Variants in FEM1A observed in about 807,000 individuals in gnomAD.
FEM1A encodes the protein fem-1 homolog A, also known as protein fem-1 homolog A.
FEM1A carries 1 observed loss-of-function variant against 0.7 expected under a neutral mutation model. That is an observed-to-expected ratio of 1.35 (90% CI 0.48 to 6.40). FEM1A has a LOEUF of 6.40. Ranked by LOEUF, FEM1A falls within the 30% of genes most tolerant of loss-of-function variation. The probability of loss-of-function intolerance (pLI) is 0.14; values close to 1 mark genes in which losing one functional copy is unlikely to be tolerated. For synonymous variants in FEM1A, 391 were observed against 420.6 expected (o/e 0.93, Z 0.86); for missense variants, 721 against 918.7 (o/e 0.78, Z 2.78).
In FEM1A at chr19:4,796,159, TG is replaced by T. The variant is rs1369794764; in HGVS notation, c.*2298del. 1.3e-5 allele frequency: 2 copies of T among 151,546 alleles called. No homozygotes were observed. Among genetic ancestry groups the T allele is most frequent in the East Asian group, 3.9e-4 (2 of 5,148 alleles). 9.4% of individuals were successfully genotyped at this position (151,546 alleles called of 1,614,324 possible). A position where few individuals can be genotyped will look rare whatever the true frequency, so the allele number is the denominator to read the frequency against. On this transcript the variant is annotated 3_prime_UTR_variant, in exon 1 of 1. Transcript: ENST00000269856. ...TGTAATCTCAGCACCTTGGGAAGCC[TG>T]GGCAACATAGTAAGACCTCTGTCTC...
rs773533387 is a variant in FEM1A, at chr19:4,792,870, C to G, written c.1016C>G (p.Pro339Arg). 2 of 1,612,264 alleles carry G rather than the reference C, an allele frequency of 1.2e-6. No homozygotes were observed. The highest frequency in any genetic ancestry group is 1.7e-6 in the Non-Finnish European group (2 of 1,180,010). ...CAGGGGGGCGAGTACCTGCCCAAAC[C>G]GGAGCCCCCACAGCTGGTCCTGGCC... Reference protein sequence around the residue: ...RHQGGEYLPKPEPPQLVLAYD... With the variant: ...RHQGGEYLPKREPPQLVLAYD... Residue 339 changes from proline (P) to arginine (R), a missense_variant, in exon 1 of 1, where the codon CCG (proline) becomes CGG (arginine). Pro to Arg is a moderately radical substitution (Grantham distance 103). Coordinates refer to ENST00000269856, the MANE Select transcript of FEM1A (RefSeq NM_018708.3). The surrounding 1 kb of genome is among the most constrained non-coding windows in gnomAD (Gnocchi z 6.7).
chr19:4,800,318 G>C lies in FEM1A; in HGVS notation c.*6454G>C, dbSNP rs1403698995. On this transcript the variant is annotated 3_prime_UTR_variant, in exon 1 of 1. Transcript: ENST00000269856. ...TAAGCTTACCCAGCCCGGAAGCATC[G>C]GGGTCAAAGCTTAACCCCCTGCTGG... 1 of 152,202 alleles carries C rather than the reference G, an allele frequency of 6.6e-6. No individual in the cohort carries two copies. The highest frequency in any genetic ancestry group is 1.5e-5 in the Non-Finnish European group (1 of 68,108). The allele number at this position is 152,202 out of a possible 1,614,324, so 9.4% of individuals were successfully genotyped here.
Position 4,792,678 on chromosome 19 carries a change from C to G in FEM1A, c.824C>G (p.Ser275Cys). 6.2e-7 allele frequency: 1 copy of G among 1,612,156 alleles called. No individual in the cohort carries two copies. The highest frequency in any genetic ancestry group is 1.7e-5 in the Admixed American group (1 of 60,020). Residue 275 changes from serine (S) to cysteine (C), a missense_variant, in exon 1 of 1, where the codon TCC becomes TGC. Ser to Cys is a moderately radical substitution (Grantham distance 112). Transcript: ENST00000269856. The surrounding 1 kb of genome is among the most constrained non-coding windows in gnomAD (Gnocchi z 6.7). ...AQPQGAPCCSSSPEEPLNGES... is the reference protein window; with the variant it reads ...AQPQGAPCCSCSPEEPLNGES... ...CCTCAGGGGGCTCCGTGCTGCAGCT[C>G]CTCCCCAGAGGAACCACTGAACGGG...
Position 4,793,923 on chromosome 19 carries a change from C to A in FEM1A, c.*59C>A. 2 of 1,511,530 alleles carry A rather than the reference C, an allele frequency of 1.3e-6. No homozygotes were observed. The highest frequency in any genetic ancestry group is 1.2e-5 in the South Asian group (1 of 80,854). The allele number at this position is 1,511,530 out of a possible 1,614,324, so 93.6% of individuals were successfully genotyped here. A position where few individuals can be genotyped will look rare whatever the true frequency, so the allele number is the denominator to read the frequency against. ...CTCTCCTGCTGAGATGGGGGAAATC[C>A]GGCTGCGGCATAGCAGATGCTCGTT... is the stretch of plus-strand genomic sequence containing the variant. On this transcript the variant is annotated 3_prime_UTR_variant, in exon 1 of 1. Coordinates refer to ENST00000269856, the MANE Select transcript of FEM1A (RefSeq NM_018708.3). This position sits in a 1 kb window ranked among gnomAD's most constrained non-coding sequence, Gnocchi z 5.1.
In FEM1A at chr19:4,793,816, C is replaced by A. The variant is rs766723218; in HGVS notation, c.1962C>A (p.Tyr654Ter). The change falls in exon 1 of 1, where the codon TAC becomes TAA. Residue 654 changes from tyrosine (Y) to a stop codon, truncating the protein, a stop_gained. Transcript: ENST00000269856. LOFTEE classifies it high-confidence loss of function. The surrounding 1 kb of genome is among the most constrained non-coding windows in gnomAD (Gnocchi z 5.1). Reference sequence around the variant, plus strand: ...CCCTGGATAAGAACAAGATCCCTTACAAGGGCTTCATCCCGGAAGATCTGG... The same window carrying A: ...CCCTGGATAAGAACAAGATCCCTTAAAAGGGCTTCATCCCGGAAGATCTGG... Reference protein sequence around the residue: ...ARALDKNKIPYKGFIPEDLEA... With the variant: ...ARALDKNKIP The A allele has an allele frequency of 6.2e-7, 1 of 1,609,884 alleles. No homozygotes were observed. Among genetic ancestry groups the A allele is most frequent in the Non-Finnish European group, 8.5e-7 (1 of 1,178,964 alleles).
chr19:4,800,826 G>C lies in FEM1A; in HGVS notation c.*6962G>C, dbSNP rs562570423. On this transcript the variant is annotated 3_prime_UTR_variant, in exon 1 of 1. Transcript: ENST00000269856. ...TCGAATCACATCACAGGCCGAAAAG[G>C]CCAGATGACCCACCAGGGACATTGA... is the stretch of plus-strand genomic sequence containing the variant. The C allele has an allele frequency of 6.6e-6, 1 of 152,236 alleles. No homozygotes were observed. The highest frequency in any genetic ancestry group is 1.9e-4 in the East Asian group (1 of 5,192). The allele number at this position is 152,236 out of a possible 1,614,324, so 9.4% of individuals were successfully genotyped here. A position where few individuals can be genotyped will look rare whatever the true frequency, so the allele number is the denominator to read the frequency against.
rs2093561793 is a variant in FEM1A at position 4,796,988 on chromosome 19, CTAGTGAGCATT to C, written c.*3127_*3137del. On this transcript the variant is annotated 3_prime_UTR_variant, in exon 1 of 1. Coordinates refer to ENST00000269856, the MANE Select transcript of FEM1A (RefSeq NM_018708.3). ...AAGCTGTCTCCTGGGAGACACAGTACTAGTGAGCATTTATTGAGCACCTACTGTATGCCAGG... is the reference window on the plus strand; with the variant it reads ...AAGCTGTCTCCTGGGAGACACAGTACTATTGAGCACCTACTGTATGCCAGG... The C allele has an allele frequency of 6.6e-6, 1 of 152,068 alleles. No homozygotes were observed. The highest frequency in any genetic ancestry group is 1.5e-5 in the Non-Finnish European group (1 of 68,052). 9.4% of individuals were successfully genotyped at this position (152,068 alleles called of 1,614,324 possible). A position where few individuals can be genotyped will look rare whatever the true frequency, so the allele number is the denominator to read the frequency against.
chr19:4,791,880 A>G lies in FEM1A; in HGVS notation c.26A>G (p.Asn9Ser), dbSNP rs2093554723. MDLRTAVY[N>S]AARDGKLQLL... ...ATGGACCTCCGCACCGCCGTGTACA[A>G]CGCCGCCCGTGATGGCAAGCTGCAG... Residue 9 changes from asparagine (N) to serine (S), a missense_variant, in exon 1 of 1, where the codon AAC becomes AGC. By Grantham distance (46) the Asn-to-Ser change is conservative. Coordinates refer to ENST00000269856, the MANE Select transcript of FEM1A (RefSeq NM_018708.3). 3 of 1,520,254 alleles carry G rather than the reference A, an allele frequency of 2.0e-6. No homozygotes were observed. The highest frequency in any genetic ancestry group is 2.6e-6 in the Non-Finnish European group (3 of 1,140,570). The allele number at this position is 1,520,254 out of a possible 1,614,324, so 94.2% of individuals were successfully genotyped here.
chr19:4,791,754 G>C lies in FEM1A; in HGVS notation c.-101G>C. On this transcript the variant is annotated 5_prime_UTR_variant, in exon 1 of 1. Transcript: ENST00000269856. Reference sequence around the variant, plus strand: ...CGCCCGAGGAGACCCTAAGATGGCGGCGAGGGGGACGGTGAAGGTTGCCTC... The same window carrying C: ...CGCCCGAGGAGACCCTAAGATGGCGCCGAGGGGGACGGTGAAGGTTGCCTC... 1 of 1,229,324 alleles carries C rather than the reference G, an allele frequency of 8.1e-7. No individual in the cohort carries two copies. Among genetic ancestry groups the C allele is most frequent in the Non-Finnish European group, 1.1e-6 (1 of 929,924 alleles). 76.2% of individuals were successfully genotyped at this position (1,229,324 alleles called of 1,614,324 possible). A position where few individuals can be genotyped will look rare whatever the true frequency, so the allele number is the denominator to read the frequency against.
chr19:4,792,424 C>T lies in FEM1A; in HGVS notation c.570C>T (p.Cys190=). ...AGGGCAACACGGCCCTGCATGACTG[C>T]GCCGAGTCCGGCAGCCTGGAGATCC... ...SAKGNTALHD[C]AESGSLEILQ... The change falls in exon 1 of 1, where the codon TGC becomes TGT. Residue 190 remains cysteine, a synonymous_variant. Transcript: ENST00000269856. The surrounding 1 kb of genome is among the most constrained non-coding windows in gnomAD (Gnocchi z 6.7). 1 of 1,595,954 alleles carries T rather than the reference C, an allele frequency of 6.3e-7. No homozygotes were observed. The highest frequency in any genetic ancestry group is 8.5e-7 in the Non-Finnish European group (1 of 1,179,446).
In FEM1A at chr19:4,793,114, A is replaced by G. The variant is rs2093556644; in HGVS notation, c.1260A>G (p.Gln420=). 2 of 1,613,566 alleles carry G rather than the reference A, an allele frequency of 1.2e-6. No individual in the cohort carries two copies. Among genetic ancestry groups the G allele is most frequent in the East Asian group, 2.2e-5 (1 of 44,878 alleles). ...TGTGGAAGTACGCCCTGGACATGCAACAGAGCAACCTGGAGCCTCTGAGCC... is the reference window on the plus strand; with the variant it reads ...TGTGGAAGTACGCCCTGGACATGCAGCAGAGCAACCTGGAGCCTCTGAGCC... ...IRLWKYALDM[Q]QSNLEPLSPM... Residue 420 remains glutamine (Q), a synonymous_variant, in exon 1 of 1, where the codon CAA becomes CAG. Coordinates refer to ENST00000269856, the MANE Select transcript of FEM1A (RefSeq NM_018708.3). The surrounding 1 kb of genome is among the most constrained non-coding windows in gnomAD (Gnocchi z 5.1).
In FEM1A at chr19:4,795,569, T is replaced by A. The variant is rs2093560238; in HGVS notation, c.*1705T>A. The stretch of plus-strand genomic sequence containing the variant: ...AGATACTCAAAGAGAATGGCCTGCC[T>A]GATGCGTCCTTGGCGTGGGTTAACT... On this transcript the variant is annotated 3_prime_UTR_variant, in exon 1 of 1. Coordinates refer to ENST00000269856, the MANE Select transcript of FEM1A (RefSeq NM_018708.3). 1 of 166,972 alleles carries A rather than the reference T, an allele frequency of 6.0e-6. No homozygotes were observed. The allele number at this position is 166,972 out of a possible 1,614,324, so 10.3% of individuals were successfully genotyped here. A position where few individuals can be genotyped will look rare whatever the true frequency, so the allele number is the denominator to read the frequency against.
In FEM1A at chr19:4,792,508, G is replaced by A. The variant is rs1249458049; in HGVS notation, c.654G>A (p.Pro218=). ...AACGTGACGGCTACGGCATGACCCC[G>A]CTGCTCGCGGCCAGCGTGACGGGCC... ...RMERDGYGMT[P]LLAASVTGHT... Residue 218 remains proline (P), a synonymous_variant, in exon 1 of 1, where the codon CCG becomes CCA. Transcript: ENST00000269856. This position sits in a 1 kb window ranked among gnomAD's most constrained non-coding sequence, Gnocchi z 6.7. The A allele has an allele frequency of 6.3e-7, 1 of 1,598,542 alleles. No individual in the cohort carries two copies. Among genetic ancestry groups the A allele is most frequent in the Non-Finnish European group, 8.5e-7 (1 of 1,179,678 alleles).
rs1203630832 is a variant in FEM1A, at chr19:4,795,051, C to T, written c.*1187C>T. ...AAAAGGCCCAAGTACAGTCTTAATG[C>T]GATAAATCCACTAGCTAAGACGTCG... On this transcript the variant is annotated 3_prime_UTR_variant, in exon 1 of 1. Transcript: ENST00000269856. 8.4e-5 allele frequency: 14 copies of T among 167,164 alleles called. No individual in the cohort carries two copies. The South Asian group carries it at 2.3e-3, about 27-fold the overall frequency. The allele number at this position is 167,164 out of a possible 1,614,324, so 10.4% of individuals were successfully genotyped here.
chr19:4,792,031 C>T lies in FEM1A; in HGVS notation c.177C>T (p.Tyr59=), dbSNP rs1329411951. The change falls in exon 1 of 1, where the codon TAC becomes TAT. Residue 59 remains tyrosine (Y), a synonymous_variant. Transcript: ENST00000269856. The surrounding 1 kb of genome is among the most constrained non-coding windows in gnomAD (Gnocchi z 6.7). The part of the protein sequence containing the change: ...ARYGHLDVVE[Y]LVDRCGASVE... ...ACGGCCACCTGGACGTGGTGGAGTA[C>T]CTGGTGGACCGGTGCGGCGCGAGCG... is the stretch of plus-strand genomic sequence containing the variant. The T allele has an allele frequency of 5.2e-6, 8 of 1,539,450 alleles. No homozygotes were observed. The highest frequency in any genetic ancestry group is 2.3e-4 in the Middle Eastern group (1 of 4,364).
rs1400668195 is a variant in FEM1A, at chr19:4,791,753, G to C, written c.-102G>C. The C allele has an allele frequency of 2.7e-5, 33 of 1,223,572 alleles. No individual in the cohort carries two copies. Among genetic ancestry groups the C allele is most frequent in the Non-Finnish European group, 3.6e-5 (33 of 925,070 alleles). 75.8% of individuals were successfully genotyped at this position (1,223,572 alleles called of 1,614,324 possible). On this transcript the variant is annotated 5_prime_UTR_variant, in exon 1 of 1. Transcript: ENST00000269856. ...CCGCCCGAGGAGACCCTAAGATGGC[G>C]GCGAGGGGGACGGTGAAGGTTGCCT...
chr19:4,793,147 C>T lies in FEM1A; in HGVS notation c.1293C>T (p.Thr431=). Residue 431 remains threonine (T), a synonymous_variant, in exon 1 of 1, where the codon ACC becomes ACT. Transcript: ENST00000269856. This position sits in a 1 kb window ranked among gnomAD's most constrained non-coding sequence, Gnocchi z 5.1. ...QSNLEPLSPM[T]ASSFLSFAEL... ...ACCTGGAGCCTCTGAGCCCCATGAC[C>T]GCCAGCAGCTTCCTCTCCTTCGCGG... 4 of 1,613,538 alleles carry T rather than the reference C, an allele frequency of 2.5e-6. No individual in the cohort carries two copies. Among genetic ancestry groups the T allele is most frequent in the East Asian group, 2.2e-5 (1 of 44,886 alleles).
At position 4,792,294 on chromosome 19, in the gene FEM1A, A is replaced by C. The variant is rs2093555377; in HGVS notation, c.440A>C (p.Asn147Thr). Residue 147 changes from asparagine (N) to threonine (T), a missense_variant, in exon 1 of 1, where the codon AAC becomes ACC. By Grantham distance (65) the Asn-to-Thr change is moderately conservative. Coordinates refer to ENST00000269856, the MANE Select transcript of FEM1A (RefSeq NM_018708.3). This position sits in a 1 kb window ranked among gnomAD's most constrained non-coding sequence, Gnocchi z 6.7. ...GEHQADLEVANRHGHTCLMIS... is the reference protein window; with the variant it reads ...GEHQADLEVATRHGHTCLMIS... ...CACCAGGCCGACCTGGAGGTGGCCA[A>C]CCGGCACGGCCACACGTGCCTCATG... is the stretch of plus-strand genomic sequence containing the variant. 6.4e-7 allele frequency: 1 copy of C among 1,574,522 alleles called. No individual in the cohort carries two copies. Among genetic ancestry groups the C allele is most frequent in the Non-Finnish European group, 8.6e-7 (1 of 1,166,336 alleles).
At position 4,800,125 on chromosome 19, in the gene FEM1A, A is replaced by G. The variant is rs1471032581; in HGVS notation, c.*6261A>G. The G allele has an allele frequency of 6.6e-6, 1 of 152,060 alleles. No homozygotes were observed. The highest frequency in any genetic ancestry group is 1.5e-5 in the Non-Finnish European group (1 of 68,056). The allele number at this position is 152,060 out of a possible 1,614,324, so 9.4% of individuals were successfully genotyped here. ...TTACACAGCAGCCCTCTAAAGGCGG[A>G]AAAACATGTCAGAGTCCCATGGACG... On this transcript the variant is annotated 3_prime_UTR_variant, in exon 1 of 1. Transcript: ENST00000269856.
Sources: allele counts gnomAD v4.1 joint callset, GRCh38; gene constraint gnomAD v4.1.1; non-coding constraint Gnocchi (gnomAD v3.1); transcripts MANE v1.5; gene names NCBI Gene and HGNC (gene_info 2026-07-23, HGNC 2026-07-21).